Variants in DRD5 observed in about 807,000 individuals in gnomAD.
DRD5 encodes D(1B) dopamine receptor.
For synonymous variants in DRD5, 327 were observed against 277.1 expected (o/e 1.18, Z -1.79); for missense variants, 758 against 657.8 (o/e 1.15, Z -1.67).
chr4:9,782,042 G>A lies in DRD5; in HGVS notation c.13G>A (p.Gly5Ser). The A allele has an allele frequency of 6.8e-7, 1 of 1,472,902 alleles. No homozygotes were observed. Among genetic ancestry groups the A allele is most frequent in the South Asian group, 1.4e-5 (1 of 70,826 alleles). The allele number at this position is 1,472,902 out of a possible 1,614,324, so 91.2% of individuals were successfully genotyped here. The change falls in exon 1 of 1, where the codon GGC becomes AGC. Residue 5 changes from glycine (G) to serine (S), a missense_variant. By Grantham distance (56) the Gly-to-Ser change is moderately conservative. Coordinates refer to ENST00000304374, the MANE Select transcript of DRD5 (RefSeq NM_000798.5). MLPP[G>S]SNGTAYPGQF... ...AGTCCAGCCCGAAATGCTGCCGCCA[G>A]GCAGCAACGGCACCGCGTACCCGGG...
chr4:9,782,412 T>A lies in DRD5; in HGVS notation c.383T>A (p.Ile128Asn), dbSNP rs1718562255. 1 of 1,614,012 alleles carries A rather than the reference T, an allele frequency of 6.2e-7. No homozygotes were observed. The highest frequency in any genetic ancestry group is 8.5e-7 in the Non-Finnish European group (1 of 1,179,854). Residue 128 changes from isoleucine to asparagine, a missense_variant, in exon 1 of 1, where the codon ATC (isoleucine) becomes AAC (asparagine). Ile to Asn is a moderately radical substitution (Grantham distance 149, BLOSUM62 -3). Coordinates refer to ENST00000304374, the MANE Select transcript of DRD5 (RefSeq NM_000798.5). ...AFDIMCSTAS[I>N]LNLCVISVDR... The stretch of plus-strand genomic sequence containing the variant: ...GACATCATGTGCTCCACTGCCTCCA[T>A]CCTGAACCTGTGCGTCATCAGCGTG...
rs771867152 is a variant in DRD5, at chr4:9,782,499, C to A, written c.470C>A (p.Ala157Asp). The A allele has an allele frequency of 1.9e-6, 3 of 1,614,002 alleles. No individual in the cohort carries two copies. The highest frequency in any genetic ancestry group is 3.3e-5 in the Admixed American group (2 of 60,024). Residue 157 changes from alanine to aspartate, a missense_variant, in exon 1 of 1, where the codon GCC becomes GAC. Transcript: ENST00000304374. The part of the protein sequence containing the change: ...RYKRKMTQRM[A>D]LVMVGLAWTL... Reference sequence around the variant, plus strand: ...AAGCGCAAGATGACTCAGCGCATGGCCTTGGTCATGGTCGGCCTGGCATGG... The same window carrying A: ...AAGCGCAAGATGACTCAGCGCATGGACTTGGTCATGGTCGGCCTGGCATGG...
At position 9,782,041 on chromosome 4, in the gene DRD5, A is replaced by G. The variant is rs780035670; in HGVS notation, c.12A>G (p.Pro4=). The change falls in exon 1 of 1, where the codon CCA becomes CCG. Residue 4 remains proline, a synonymous_variant. Transcript: ENST00000304374. ...CAGTCCAGCCCGAAATGCTGCCGCC[A>G]GGCAGCAACGGCACCGCGTACCCGG... is the stretch of plus-strand genomic sequence containing the variant. The part of the protein sequence containing the change: MLP[P]GSNGTAYPGQ... The G allele has an allele frequency of 2.7e-6, 4 of 1,469,404 alleles. No individual in the cohort carries two copies. The South Asian group carries it at 5.7e-5, about 21-fold the overall frequency. The allele number at this position is 1,469,404 out of a possible 1,614,324, so 91.0% of individuals were successfully genotyped here.
Position 9,783,040 on chromosome 4 carries a change from TGA to T in DRD5, c.1014_1015del (p.Glu338AspfsTer13), listed in dbSNP as rs747780045. The T allele has an allele frequency of 3.0e-5, 49 of 1,614,126 alleles. No homozygotes were observed. The highest frequency in any genetic ancestry group is 3.8e-5 in the Non-Finnish European group (45 of 1,180,054). ...GPPAGFPCVS[E>X]TTFDVFVWFG... ...CTCCGGCCGGCTTCCCCTGCGTCAG[TGA>T]GACCACCTTCGACGTCTTCGTCTGG... is the stretch of plus-strand genomic sequence containing the variant. On this transcript the variant is annotated frameshift_variant, in exon 1 of 1. Transcript: ENST00000304374. LOFTEE classifies it low-confidence loss of function (END_TRUNC).
Position 9,783,495 on chromosome 4 carries a change from A to G in DRD5, c.*32A>G, listed in dbSNP as rs769490992. The G allele has an allele frequency of 6.4e-7, 1 of 1,563,528 alleles. No individual in the cohort carries two copies. Among genetic ancestry groups the G allele is most frequent in the South Asian group, 1.2e-5 (1 of 81,912 alleles). The stretch of plus-strand genomic sequence containing the variant: ...TTAAGAAACCCCCTCATGGATCTGC[A>G]TAACCGCACAGACATTGACAAGCAC... On this transcript the variant is annotated 3_prime_UTR_variant, in exon 1 of 1. Transcript: ENST00000304374.
In DRD5 at chr4:9,782,062, C is replaced by A; in HGVS notation, c.33C>A (p.Tyr11Ter). The change falls in exon 1 of 1, where the codon TAC becomes TAA. Residue 11 changes from tyrosine (Y) to a stop codon, truncating the protein, a stop_gained. Transcript: ENST00000304374. LOFTEE classifies it low-confidence loss of function (END_TRUNC). MLPPGSNGTA[Y>*]PGQFALYQQL... ...CGCCAGGCAGCAACGGCACCGCGTA[C>A]CCGGGGCAGTTCGCTCTATACCAGC... 1 of 1,492,208 alleles carries A rather than the reference C, an allele frequency of 6.7e-7. No individual in the cohort carries two copies. Among genetic ancestry groups the A allele is most frequent in the Non-Finnish European group, 8.9e-7 (1 of 1,124,912 alleles). The allele number at this position is 1,492,208 out of a possible 1,614,324, so 92.4% of individuals were successfully genotyped here.
In DRD5 at chr4:9,783,665, T is replaced by C. The variant is rs1718834870; in HGVS notation, c.*202T>C. On this transcript the variant is annotated 3_prime_UTR_variant, in exon 1 of 1. Transcript: ENST00000304374. ...AGCAGTTGCAATAAACTCAGTCAAA[T>C]GTACCCAGCCTACCAGAGATGGACC... 1.7e-6 allele frequency: 1 copy of C among 599,346 alleles called. No individual in the cohort carries two copies. Among genetic ancestry groups the C allele is most frequent in the Non-Finnish European group, 3.0e-6 (1 of 336,314 alleles). 37.1% of individuals were successfully genotyped at this position (599,346 alleles called of 1,614,324 possible).
rs1398987731 is a variant in DRD5 at position 9,782,893 on chromosome 4, C to T, written c.864C>T (p.Ile288=). The change falls in exon 1 of 1, where the codon ATC becomes ATT. Residue 288 remains isoleucine, a synonymous_variant. Coordinates refer to ENST00000304374, the MANE Select transcript of DRD5 (RefSeq NM_000798.5). ...CAPDTSLRAS[I]KKETKVLKTL... ...CCGACACCAGCCTGCGCGCTTCCAT[C>T]AAGAAGGAGACCAAGGTTCTCAAGA... 3 of 1,613,908 alleles carry T rather than the reference C, an allele frequency of 1.9e-6. No individual in the cohort carries two copies. The highest frequency in any genetic ancestry group is 2.5e-6 in the Non-Finnish European group (3 of 1,180,022).
rs571812427 is a variant in DRD5 at position 9,781,644 on chromosome 4, T to G, written c.-386T>G. The G allele has an allele frequency of 5.6e-5, 10 of 177,718 alleles. No homozygotes were observed. Among genetic ancestry groups the G allele is most frequent in the African/African-American group, 2.1e-4 (9 of 42,606 alleles). The allele number at this position is 177,718 out of a possible 1,614,324, so 11.0% of individuals were successfully genotyped here. ...CCGCGGCAGCGCCTCAGTGCCAGCC[T>G]GGCGCCCGCGACTGCCTGCCCCAGC... On this transcript the variant is annotated 5_prime_UTR_variant, in exon 1 of 1. Transcript: ENST00000304374.
chr4:9,782,302 G>A lies in DRD5; in HGVS notation c.273G>A (p.Ala91=). 1 of 1,614,016 alleles carries A rather than the reference G, an allele frequency of 6.2e-7. No individual in the cohort carries two copies. The highest frequency in any genetic ancestry group is 8.5e-7 in the Non-Finnish European group (1 of 1,179,882). Residue 91 remains alanine, a synonymous_variant, in exon 1 of 1, where the codon GCG becomes GCA. Transcript: ENST00000304374. The part of the protein sequence containing the change: ...VSLAVSDLFV[A]LLVMPWKAVA... ...TGGCCGTGTCAGACCTTTTCGTGGC[G>A]CTGCTGGTCATGCCCTGGAAGGCAG...
At position 9,783,265 on chromosome 4, in the gene DRD5, C is replaced by T. The variant is rs6281; in HGVS notation, c.1236C>T (p.His412=). 5.4e-3 allele frequency: 8,674 copies of T among 1,614,214 alleles called. 251 individuals are homozygous for T. The East Asian group carries it at 0.065, about 12-fold the overall frequency. The change falls in exon 1 of 1, where the codon CAC becomes CAT. Residue 412 remains histidine (H), a synonymous_variant. Transcript: ENST00000304374. ...AGGAAATCGCAGCTGCCTACATCCA[C>T]ATGATGCCCAACGCCGTTACCCCCG... ...FHKEIAAAYI[H]MMPNAVTPGN... is the part of the protein sequence containing the mutation.
Position 9,781,983 on chromosome 4 carries a change from G to A in DRD5, c.-47G>A, listed in dbSNP as rs1342361844. The A allele has an allele frequency of 2.9e-6, 4 of 1,394,408 alleles. No homozygotes were observed. The highest frequency in any genetic ancestry group is 1.6e-5 in the South Asian group (1 of 62,836). 86.4% of individuals were successfully genotyped at this position (1,394,408 alleles called of 1,614,324 possible). A position where few individuals can be genotyped will look rare whatever the true frequency, so the allele number is the denominator to read the frequency against. ...GATGGGGCTGCCTGGGGGTCGCAGG[G>A]CTGAAGTTGGGACCGCGCACAGACC... is the stretch of plus-strand genomic sequence containing the variant. On this transcript the variant is annotated 5_prime_UTR_variant, in exon 1 of 1. Coordinates refer to ENST00000304374, the MANE Select transcript of DRD5 (RefSeq NM_000798.5).
chr4:9,783,841 T>C lies in DRD5; in HGVS notation c.*378T>C, dbSNP rs748892950. 57 of 212,806 alleles carry C rather than the reference T, an allele frequency of 2.7e-4. No individual in the cohort carries two copies. The highest frequency in any genetic ancestry group is 4.6e-4 in the Non-Finnish European group (44 of 96,682). The allele number at this position is 212,806 out of a possible 1,614,324, so 13.2% of individuals were successfully genotyped here. A position where few individuals can be genotyped will look rare whatever the true frequency, so the allele number is the denominator to read the frequency against. On this transcript the variant is annotated 3_prime_UTR_variant, in exon 1 of 1. Coordinates refer to ENST00000304374, the MANE Select transcript of DRD5 (RefSeq NM_000798.5). ...TTTGAATTGATTTTTAAACAGCAGGTTGTGTGTGTGTGCAGTGATGTGGTG... is the reference window on the plus strand; with the variant it reads ...TTTGAATTGATTTTTAAACAGCAGGCTGTGTGTGTGTGCAGTGATGTGGTG...
Position 9,782,480 on chromosome 4 carries a change from A to C in DRD5, c.451A>C (p.Lys151Gln). ...AISRPFRYKR[K>Q]MTQRMALVMV... Reference sequence around the variant, plus strand: ...CTCCAGGCCCTTCCGCTACAAGCGCAAGATGACTCAGCGCATGGCCTTGGT... The same window carrying C: ...CTCCAGGCCCTTCCGCTACAAGCGCCAGATGACTCAGCGCATGGCCTTGGT... Residue 151 changes from lysine to glutamine, a missense_variant, in exon 1 of 1, where the codon AAG (lysine) becomes CAG (glutamine). By Grantham distance (53) the Lys-to-Gln change is moderately conservative. Coordinates refer to ENST00000304374, the MANE Select transcript of DRD5 (RefSeq NM_000798.5). 6.2e-7 allele frequency: 1 copy of C among 1,613,956 alleles called. No homozygotes were observed.
At position 9,783,793 on chromosome 4, in the gene DRD5, G is replaced by T. The variant is rs1170354541; in HGVS notation, c.*330G>T. Reference sequence around the variant, plus strand: ...TCTCCCCTCCCTTTTTAAACAAATGGCTTGTTCAGTCACTTGTTTGTGTTT... The same window carrying T: ...TCTCCCCTCCCTTTTTAAACAAATGTCTTGTTCAGTCACTTGTTTGTGTTT... On this transcript the variant is annotated 3_prime_UTR_variant, in exon 1 of 1. Transcript: ENST00000304374. 1 of 246,976 alleles carries T rather than the reference G, an allele frequency of 4.0e-6. No individual in the cohort carries two copies. The allele number at this position is 246,976 out of a possible 1,614,324, so 15.3% of individuals were successfully genotyped here. A position where few individuals can be genotyped will look rare whatever the true frequency, so the allele number is the denominator to read the frequency against.
rs1718700275 is a variant in DRD5 at position 9,783,017 on chromosome 4, C to G, written c.988C>G (p.Pro330Ala). ...CTGCAGTGGACACCCCGAAGGCCCT[C>G]CGGCCGGCTTCCCCTGCGTCAGTGA... Reference protein sequence around the residue: ...PFCSGHPEGPPAGFPCVSETT... With the variant: ...PFCSGHPEGPAAGFPCVSETT... Residue 330 changes from proline to alanine, a missense_variant, in exon 1 of 1, where the codon CCG becomes GCG. Pro to Ala is a conservative substitution (Grantham distance 27). Transcript: ENST00000304374. 6.2e-7 allele frequency: 1 copy of G among 1,614,234 alleles called. No homozygotes were observed. The highest frequency in any genetic ancestry group is 8.5e-7 in the Non-Finnish European group (1 of 1,180,040).
chr4:9,783,063 T>C lies in DRD5; in HGVS notation c.1034T>C (p.Val345Ala). 1.2e-6 allele frequency: 2 copies of C among 1,614,204 alleles called. No individual in the cohort carries two copies. Among genetic ancestry groups the C allele is most frequent in the South Asian group, 1.1e-5 (1 of 91,090 alleles). ...AGTGAGACCACCTTCGACGTCTTCG[T>C]CTGGTTCGGCTGGGCTAACTCCTCA... ...CVSETTFDVF[V>A]WFGWANSSLN... Residue 345 changes from valine to alanine, a missense_variant, in exon 1 of 1, where the codon GTC becomes GCC. By Grantham distance (64) the Val-to-Ala change is moderately conservative (BLOSUM62 0). Transcript: ENST00000304374.
At position 9,782,546 on chromosome 4, in the gene DRD5, T is replaced by C; in HGVS notation, c.517T>C (p.Phe173Leu). 1 of 1,613,946 alleles carries C rather than the reference T, an allele frequency of 6.2e-7. No individual in the cohort carries two copies. The change falls in exon 1 of 1, where the codon TTC becomes CTC. Residue 173 changes from phenylalanine (F) to leucine (L), a missense_variant. Transcript: ENST00000304374. Reference sequence around the variant, plus strand: ...ATGGACCTTGTCCATCCTCATCTCCTTCATTCCGGTCCAGCTCAACTGGCA... The same window carrying C: ...ATGGACCTTGTCCATCCTCATCTCCCTCATTCCGGTCCAGCTCAACTGGCA... ...LAWTLSILIS[F>L]IPVQLNWHRD...
In DRD5 at chr4:9,782,962, C is replaced by G; in HGVS notation, c.933C>G (p.Pro311=). 1.2e-6 allele frequency: 2 copies of G among 1,614,000 alleles called. No individual in the cohort carries two copies. The highest frequency in any genetic ancestry group is 1.7e-4 in the Middle Eastern group (1 of 6,030). Residue 311 remains proline, a synonymous_variant, in exon 1 of 1, where the codon CCC becomes CCG. Transcript: ENST00000304374. ...IMGVFVCCWL[P]FFILNCMVPF... is the part of the protein sequence containing the mutation. Reference sequence around the variant, plus strand: ...GGGTCTTCGTGTGTTGCTGGCTGCCCTTCTTCATCCTTAACTGCATGGTCC... The same window carrying G: ...GGGTCTTCGTGTGTTGCTGGCTGCCGTTCTTCATCCTTAACTGCATGGTCC...
Sources: allele counts gnomAD v4.1 joint callset, GRCh38; gene constraint gnomAD v4.1.1; transcripts MANE v1.5; gene names NCBI Gene and HGNC (gene_info 2026-07-23, HGNC 2026-07-21).